SORCS1: variants seen among roughly 807,000 people sequenced by gnomAD.
SORCS1 encodes sortilin related VPS10 domain containing receptor 1, also known as VPS10 domain-containing receptor SorCS1.
Under a neutral mutation model 146.1 loss-of-function variants are expected in SORCS1, and 60 were observed. That is an observed-to-expected ratio of 0.41 (90% CI 0.33 to 0.51). SORCS1 has a LOEUF of 0.51. SORCS1 is among the 20% of genes least tolerant of loss of function. SORCS1 has a pLI of 0.21. For missense variants in SORCS1, 1,352 were observed against 1,487.6 expected (o/e 0.91, Z 1.50); for synonymous variants, 637 against 584.0 (o/e 1.09, Z -1.31).
At chr10:106,757,907 T>C (rs924375122) in intron 5 of SORCS1, among the ~76,000 whole-genome samples, 1 of 152,348 alleles carries the variant, frequency 6.6e-6, no homozygotes, top group Non-Finnish European at 1.5e-5. Flanking sequence ...CTCTATGCCA[T>C]AGGTTCCCTA....
intron 1 of SORCS1, among the ~76,000 whole-genome samples, chr10:107,102,930 G>A (rs569775074): frequency 6.6e-6 from 1 of 152,050 alleles, no homozygotes; most frequent in Non-Finnish European, 1.5e-5. Context: ...CTGTAATATT[G>A]CCTCCAAATG....
chr10:107,123,726 C>T (rs561802571), intron 1 of SORCS1, among the ~76,000 whole-genome samples: 1 of 152,194 alleles, frequency 6.6e-6, no homozygotes, highest in South Asian at 2.1e-4. Context: ...TTGTCATTTA[C>T]TAGCTAGGGG....
At chr10:106,683,226 A>G (rs565605942) in intron 10 of SORCS1, among the ~76,000 whole-genome samples, 330 of 152,346 alleles carry the variant, frequency 2.2e-3, no homozygotes, top group Non-Finnish European at 3.4e-3. Flanking sequence ...CAAGTGTTCA[A>G]TAAATGTCTG....
At chr10:106,617,570 T>C (rs1847458579) in intron 21 of SORCS1, among the ~76,000 whole-genome samples, 1 of 152,216 alleles carries the variant, frequency 6.6e-6, no homozygotes, top group South Asian at 2.1e-4. Flanking sequence ...ATTCATTCCA[T>C]CTAATCCTGT....
In SORCS1 at chr10:107,164,023, C is replaced by T; in HGVS notation, c.504G>A (p.Thr168=). The change falls in exon 1 of 26, where the codon ACG becomes ACA. Residue 168 remains threonine, a synonymous_variant. Transcript: ENST00000263054. The surrounding 1 kb of genome is among the most constrained non-coding windows in gnomAD (Gnocchi z 6.8). ...TGGCTTGGTTGTGTGCTGAGTCTCC[C>T]GTCAGCGCAAACGTGGTGCTGGTCA... ...LRLTSTTFAL[T]GDSAHNQAMV... 6.2e-7 allele frequency: 1 copy of T among 1,614,080 alleles called. No homozygotes were observed. The highest frequency in any genetic ancestry group is 8.5e-7 in the Non-Finnish European group (1 of 1,180,006).
intron 18 of SORCS1, among the ~76,000 whole-genome samples, chr10:106,642,079 T>C (rs1849107765): frequency 6.6e-6 from 1 of 152,172 alleles, no homozygotes; most frequent in Admixed American, 6.6e-5. Flanking sequence ...AGGTCTCTAA[T>C]GGTTTAGATG....
At chr10:106,620,639 C>T (rs925745606) in intron 19 of SORCS1, 78 bp from the exon 20 acceptor site, 9 of 1,494,762 alleles carry the variant, frequency 6.0e-6, no homozygotes, top group Admixed American at 4.5e-5. Flanking sequence ...GAAGAGATCA[C>T]ACATTTACTC....
chr10:106,775,206 G>A (rs1337546675), intron 4 of SORCS1, among the ~76,000 whole-genome samples: 1 of 152,158 alleles, frequency 6.6e-6, no homozygotes, highest in Non-Finnish European at 1.5e-5. Flanking sequence ...ACCAACTGTC[G>A]AATAAAATGT....
intron 2 of SORCS1, among the ~76,000 whole-genome samples, chr10:106,888,213 A>G (rs968280031): frequency 6.6e-6 from 1 of 152,244 alleles, no homozygotes; most frequent in Non-Finnish European, 1.5e-5. Flanking sequence ...GGAAAAGAAA[A>G]AAAAGTAAAA....
At chr10:106,836,168 T>C (rs1017801506) in intron 2 of SORCS1, among the ~76,000 whole-genome samples, 2 of 151,984 alleles carry the variant, frequency 1.3e-5, no homozygotes, top group African/African-American at 2.4e-5. Flanking sequence ...ACTAGCCTGC[T>C]TAAGACTACA....
intron 18 of SORCS1, among the ~76,000 whole-genome samples, chr10:106,648,711 A>C (rs1427105532): frequency 6.6e-6 from 1 of 152,146 alleles, no homozygotes; most frequent in Non-Finnish European, 1.5e-5. Flanking sequence ...TGGTCCCTTT[A>C]AATGATACAG....
chr10:106,706,766 T>C (rs976286620), intron 7 of SORCS1, 132 bp from the exon 8 acceptor site: 1 of 780,014 alleles, frequency 1.3e-6, no homozygotes, highest in Non-Finnish European at 2.1e-6. Flanking sequence ...CGGACAAGTG[T>C]AAAGAATTGG....
chr10:107,020,148 T>A (rs1260897798), intron 1 of SORCS1, among the ~76,000 whole-genome samples: 1 of 152,252 alleles, frequency 6.6e-6, no homozygotes, highest in African/African-American at 2.4e-5. Context: ...CAGACAAGAA[T>A]GATAAAAACA....
rs1173226753 is a variant in SORCS1, at chr10:106,624,203, C to A, written c.2663-3642G>T. 2.0e-5 allele frequency among the ~76,000 whole-genome samples: 3 copies of A among 152,070 alleles called. No individual in the cohort carries two copies. The East Asian group carries it at 5.8e-4, about 29-fold the overall frequency. ...GCAACCTGAATAAAGTGAAAGACAG[C>A]ACCAAGTATCAATTTTGAAAGCTCC... is the stretch of plus-strand genomic sequence containing the variant. On this transcript the variant is annotated intron_variant, in intron 19 of 25. Coordinates refer to ENST00000263054, the MANE Select transcript of SORCS1 (RefSeq NM_052918.5).
At chr10:107,126,562 T>C (rs2134593223) in intron 1 of SORCS1, among the ~76,000 whole-genome samples, 1 of 152,286 alleles carries the variant, frequency 6.6e-6, no homozygotes, top group African/African-American at 2.4e-5. Flanking sequence ...GCTTAATCTA[T>C]ACCATTTCCA....
intron 1 of SORCS1, among the ~76,000 whole-genome samples, chr10:107,110,376 A>C (rs1221625317): frequency 6.6e-6 from 1 of 152,194 alleles, no homozygotes; most frequent in Non-Finnish European, 1.5e-5. Flanking sequence ...CTTCATGCTT[A>C]ATAGAAAGTA....
chr10:107,087,292 T>C (rs948108642), intron 1 of SORCS1, among the ~76,000 whole-genome samples: 1 of 152,144 alleles, frequency 6.6e-6, no homozygotes, highest in African/African-American at 2.4e-5. Flanking sequence ...CTTTTTTTTT[T>C]CCTGGAAAAC....
At chr10:106,620,048 C>G (rs1181399339) in intron 20 of SORCS1, 1 of 156,558 alleles carries the variant, frequency 6.4e-6, no homozygotes, top group Non-Finnish European at 1.4e-5. Context: ...TTCTTCACCT[C>G]CCTCTCTACC....
chr10:106,631,585 G>T (rs944083977), intron 18 of SORCS1, among the ~76,000 whole-genome samples: 1 of 152,166 alleles, frequency 6.6e-6, no homozygotes, highest in African/African-American at 2.4e-5. Flanking sequence ...CCACTAGAGA[G>T]GGGGGAGGAC....
Sources: gnomAD v4.1 joint callset for allele counts (sites outside exome capture counted in the v4.1 genomes callset) on GRCh38, gnomAD v4.1.1 for gene constraint, Gnocchi (gnomAD v3.1) non-coding constraint, MANE v1.5 for transcripts, NCBI Gene and HGNC (gene_info 2026-07-23, HGNC 2026-07-21) for gene names.